Variants in CLTRN observed in about 807,000 individuals in gnomAD.
CLTRN encodes collectrin.
A neutral mutation model predicts 14.5 loss-of-function variants in CLTRN; 12 were observed. The observed-to-expected ratio is 0.83, with a 90% CI of 0.53 to 1.34. The LOEUF is 1.34. CLTRN is among the 40% of genes most tolerant of loss of function. CLTRN has a pLI of 0.00. For synonymous variants in CLTRN, 58 were observed against 56.5 expected, an observed-to-expected ratio of 1.03 and a Z score of -0.12; for missense variants, 154 against 165.1, an observed-to-expected ratio of 0.93 and a Z score of 0.37.
In CLTRN at chrX:15,640,347, G is replaced by T. The variant is rs1418275364; in HGVS notation, c.318-591C>A. On this transcript the variant is annotated intron_variant, in intron 4 of 5. Transcript: ENST00000380342. ...TGGGTATAAATATGACTGCAAAACT[G>T]CCCTGAGCTGCTAGTCTCTGCCTAC... Among the ~76,000 whole-genome samples the T allele has an allele frequency of 4.4e-5, 5 of 112,841 alleles. No individual in the cohort carries two copies. In the Admixed American group the frequency reaches 4.7e-4, roughly 10 times the overall value.
chrX:15,668,495 G>A (rs768321839), upstream of CLTRN, among the ~76,000 whole-genome samples: 22 of 112,190 alleles, frequency 2.0e-4, no homozygotes, highest in Non-Finnish European at 3.9e-4. Context: ...TTTTCACATT[G>A]ATTCAATTCT....
intron 2 of CLTRN, among the ~76,000 whole-genome samples, chrX:15,662,242 T>C (rs1165482186): frequency 1.8e-5 from 2 of 110,068 alleles, no homozygotes; most frequent in African/African-American, 6.6e-5. Flanking sequence ...ATGGTTTTGC[T>C]TCATAATTTA....
intron 1 of CLTRN, among the ~76,000 whole-genome samples, chrX:15,672,109 A>G (rs1224102973): frequency 2.7e-5 from 3 of 112,115 alleles, no homozygotes; most frequent in Non-Finnish European, 5.6e-5. Flanking sequence ...TACCGTTTGG[A>G]AATAAAAATT....
intron 5 of CLTRN, among the ~76,000 whole-genome samples, chrX:15,629,617 C>T (rs1928645685): frequency 2.7e-5 from 3 of 109,921 alleles, no homozygotes; most frequent in Admixed American, 9.7e-5. Flanking sequence ...AGAATGCCAA[C>T]GAATATAGAA....
In CLTRN at chrX:15,628,102, C is replaced by G. The variant is rs1252295913; in HGVS notation, c.538G>C (p.Asp180His). The change falls in exon 6 of 6, where the codon GAT becomes CAT. Residue 180 changes from aspartate (D) to histidine (H), a missense_variant. Physicochemically the swap from Asp to His is moderately conservative, Grantham distance 81. Coordinates refer to ENST00000380342, the MANE Select transcript of CLTRN (RefSeq NM_020665.6). ...TTTTCACACTTATCTTCAGCGTCAT[C>G]CACTTCAGATGGTTCTTTGTTCTTT... is the stretch of plus-strand genomic sequence containing the variant. Reference protein sequence around the residue: ...RRKNKEPSEVDDAEDKCENMI... With the variant: ...RRKNKEPSEVHDAEDKCENMI... 8.9e-7 allele frequency: 1 copy of G among 1,125,922 alleles called. No individual in the cohort carries two copies. The highest frequency in any genetic ancestry group is 2.7e-5 in the Admixed American group (1 of 37,667). The allele number at this position is 1,125,922 out of a possible 1,213,427, so 92.8% of individuals were successfully genotyped here.
intron 4 of CLTRN, among the ~76,000 whole-genome samples, chrX:15,641,605 T>G (rs1304867266): frequency 7.5e-5 from 8 of 106,276 alleles, no homozygotes; most frequent in Non-Finnish European, 1.5e-4. Flanking sequence ...CCCAAGTAGC[T>G]AGGACCACAG....
At chrX:15,628,472 T>C (rs961309764) in intron 5 of CLTRN, among the ~76,000 whole-genome samples, 2 of 112,113 alleles carry the variant, frequency 1.8e-5, no homozygotes, top group East Asian at 5.6e-4. Flanking sequence ...ACAAATTGCA[T>C]GAAGTAATGT....
At chrX:15,664,035 C>T (rs1054111485) in intron 2 of CLTRN, among the ~76,000 whole-genome samples, 2 of 111,976 alleles carry the variant, frequency 1.8e-5, no homozygotes, top group Non-Finnish European at 1.9e-5. Context: ...CAGACCTGAA[C>T]GACTGACTCA....
intron 2 of CLTRN, among the ~76,000 whole-genome samples, chrX:15,662,690 C>T (rs1302823835): frequency 9.0e-6 from 1 of 111,551 alleles, no homozygotes; most frequent in Non-Finnish European, 1.9e-5. Context: ...TTTTTAACTC[C>T]CCACTATCTG....
At chrX:15,647,576 T>C (rs1222324392) in intron 3 of CLTRN, among the ~76,000 whole-genome samples, 1 of 83,752 alleles carries the variant, frequency 1.2e-5, no homozygotes, top group Non-Finnish European at 2.4e-5. Context: ...AGCGGGAAGC[T>C]GTCTTGTGCA....
intron 3 of CLTRN, among the ~76,000 whole-genome samples, chrX:15,654,879 A>C (rs939766329): frequency 4.5e-5 from 5 of 112,055 alleles, no homozygotes; most frequent in African/African-American, 1.6e-4. Context: ...ACAGCAGTGT[A>C]GTTCCACGGG....
intron 4 of CLTRN, among the ~76,000 whole-genome samples, 185 bp from the exon 5 acceptor site, chrX:15,639,941 C>T (rs933787503): frequency 8.9e-6 from 1 of 112,315 alleles, no homozygotes; most frequent in African/African-American, 3.2e-5. Context: ...TCTTAAGTTA[C>T]AACACTAGCT....
chrX:15,671,844 G>GCACACACACA (rs199900262), intron 1 of CLTRN, among the ~76,000 whole-genome samples: 65 of 90,028 alleles, frequency 7.2e-4, no homozygotes, highest in African/African-American at 2.5e-3. Context: ...TTTTATGCGC[G>GCACACACACA]CACACACACA....
At chrX:15,640,249 A>T (rs1477951789) in intron 4 of CLTRN, among the ~76,000 whole-genome samples, 2 of 112,108 alleles carry the variant, frequency 1.8e-5, no homozygotes, top group African/African-American at 6.5e-5. Flanking sequence ...CAATGATGTG[A>T]TGACCCCAAA....
chrX:15,646,157 G>C (rs1317042319), intron 3 of CLTRN: 1 of 161,879 alleles, frequency 6.2e-6, no homozygotes, highest in African/African-American at 3.0e-5. Flanking sequence ...AGACAGCATG[G>C]GGCGCCACTT....
intron 1 of CLTRN, among the ~76,000 whole-genome samples, chrX:15,674,118 T>TTGAA (rs753662305): frequency 1.8e-5 from 2 of 112,465 alleles, no homozygotes; most frequent in African/African-American, 3.2e-5. Context: ...TAAATCTGTC[T>TTGAA]TGAATGAATG....
intron 5 of CLTRN, among the ~76,000 whole-genome samples, chrX:15,634,722 G>A (rs908679214): frequency 3.1e-4 from 29 of 93,657 alleles, no homozygotes; most frequent in Admixed American, 1.2e-3. Flanking sequence ...TCATAGGTGG[G>A]AACTGAACAA....
At chrX:15,641,470 A>C (rs1928938342) in intron 4 of CLTRN, among the ~76,000 whole-genome samples, 1 of 112,047 alleles carries the variant, frequency 8.9e-6, no homozygotes, top group Non-Finnish European at 1.9e-5. Flanking sequence ...ATGTAATTTC[A>C]ACATGTAAAC....
chrX:15,666,235 TAA>T (rs1484204464), upstream of CLTRN, among the ~76,000 whole-genome samples: 1 of 111,593 alleles, frequency 9.0e-6, no homozygotes, highest in African/African-American at 3.3e-5. Flanking sequence ...AAACCTAAAA[TAA>T]AAGTTTTAAA....
Sources: allele counts gnomAD v4.1 joint callset (sites outside exome capture counted in the v4.1 genomes callset), GRCh38; gene constraint gnomAD v4.1.1; transcripts MANE v1.5; gene names NCBI Gene and HGNC (gene_info 2026-07-23, HGNC 2026-07-21).